The following TRIM49C variants were observed in gnomAD, a reference collection of about 807,000 sequenced individuals.
TRIM49C encodes the protein tripartite motif containing 49C.
TRIM49C carries 6 observed loss-of-function variants against 21.4 expected under a neutral mutation model. That is an observed-to-expected ratio of 0.28 (90% CI 0.15 to 0.55). The LOEUF (loss-of-function observed/expected upper bound fraction) is 0.55. Ranked by LOEUF, TRIM49C falls within the 20% of genes least tolerant of loss-of-function variation. The probability of loss-of-function intolerance (pLI) is 0.94; values close to 1 mark genes in which losing one functional copy is unlikely to be tolerated. For synonymous variants in TRIM49C, 57 were observed against 148.1 expected (o/e 0.38, Z 4.47); for missense variants, 161 against 442.4 (o/e 0.36, Z 5.71).
At chr11:90,070,598 G>A in the TRIM49C span, among the ~76,000 whole-genome samples, 846 of 139,494 alleles carry the variant, frequency 6.1e-3, 72 homozygotes, top group African/African-American at 0.02. Flanking sequence ...CTCCATGAGC[G>A]GTAGAATAAA....
the TRIM49C span, chr11:90,062,995 C>T: frequency 4.4e-4 from 582 of 1,313,922 alleles, 17 homozygotes; most frequent in African/African-American, 0.01. Context: ...CATCAGAATC[C>T]ATGTTTCTGA....
chr11:90,046,094 G>A (rs369977006), downstream of TRIM49C, among the ~76,000 whole-genome samples: 1,553 of 117,370 alleles, frequency 0.013, 48 homozygotes, highest in Non-Finnish European at 0.018. Context: ...ATTGATTTGC[G>A]TATGTTGAAC....
the TRIM49C span, among the ~76,000 whole-genome samples, chr11:90,070,757 G>A: frequency 9.7e-4 from 137 of 141,446 alleles, 10 homozygotes; most frequent in African/African-American, 3.4e-3. Context: ...AAAACCTAAA[G>A]AGCAGATGGG....
the TRIM49C span, chr11:90,062,801 G>T: frequency 1.3e-5 from 18 of 1,416,244 alleles, 3 homozygotes; most frequent in Non-Finnish European, 1.7e-5. Context: ...GTACCACATT[G>T]GTGTTGAAGT....
At chr11:90,042,201 C>G (rs1950775735), downstream of TRIM49C, among the ~76,000 whole-genome samples, 1 of 146,110 alleles carries the variant, frequency 6.8e-6, no homozygotes, top group African/African-American at 2.6e-5. Context: ...TCAAACCATA[C>G]ACAGTCATTT....
At chr11:90,040,688 TC>T (rs1950760769) in intron 7 of TRIM49C, among the ~76,000 whole-genome samples, 1 of 91,330 alleles carries the variant, frequency 1.1e-5, no homozygotes, top group Admixed American at 1.3e-4. Context: ...ACATTCACAT[TC>T]TTTCCAAAAT....
In TRIM49C at chr11:90,038,840, G is replaced by A. The variant is rs948699182; in HGVS notation, c.761+125G>A. ...ACCACTTTTTTTTGCATCTACTTTCGTTCCCACACCTTAAAAGACAAGGCC... is the reference window on the plus strand; with the variant it reads ...ACCACTTTTTTTTGCATCTACTTTCATTCCCACACCTTAAAAGACAAGGCC... On this transcript the variant is annotated intron_variant, in intron 6 of 7. Transcript: ENST00000448984. 32 of 427,138 alleles carry A rather than the reference G, an allele frequency of 7.5e-5. 4 individuals are homozygous for A. Among genetic ancestry groups the A allele is most frequent in the Non-Finnish European group, 1.1e-4 (27 of 238,004 alleles). The allele number at this position is 427,138 out of a possible 1,614,324, so 26.5% of individuals were successfully genotyped here. A position where few individuals can be genotyped will look rare whatever the true frequency, so the allele number is the denominator to read the frequency against.
intron 2 of TRIM49C, among the ~76,000 whole-genome samples, chr11:90,034,793 C>T (rs1169721730): frequency 7.5e-6 from 1 of 132,860 alleles, no homozygotes; most frequent in Non-Finnish European, 1.6e-5. Flanking sequence ...TTTCTTTGGC[C>T]ATCTTCTCAT....
At position 90,041,311 on chromosome 11, in the gene TRIM49C, A is replaced by C. The variant is rs772848098; in HGVS notation, c.1120A>C (p.Lys374Gln). Residue 374 changes from lysine (K) to glutamine (Q), a missense_variant, in exon 8 of 8, where the codon AAG becomes CAG. Coordinates refer to ENST00000448984, the MANE Select transcript of TRIM49C (RefSeq NM_001195234.1). ...GAATCAGAATGAGAAGATAGATGGAAAGGAGGGACTCTTTCTTCTTGGGTG... is the reference window on the plus strand; with the variant it reads ...GAATCAGAATGAGAAGATAGATGGACAGGAGGGACTCTTTCTTCTTGGGTG... ...EKNQNEKIDG[K>Q]EGLFLLGCIK... 5 of 1,590,060 alleles carry C rather than the reference A, an allele frequency of 3.1e-6. No individual in the cohort carries two copies. Among genetic ancestry groups the C allele is most frequent in the Non-Finnish European group, 4.3e-6 (5 of 1,165,004 alleles).
the TRIM49C span, among the ~76,000 whole-genome samples, chr11:90,069,389 A>G: frequency 2.3e-5 from 3 of 130,738 alleles, 1 homozygote; most frequent in Non-Finnish European, 4.8e-5. Context: ...TGCTGGGATT[A>G]CAGGCGTGAG....
chr11:90,031,490 A>G (rs1405021091), intron 1 of TRIM49C, among the ~76,000 whole-genome samples: 2 of 136,552 alleles, frequency 1.5e-5, no homozygotes, highest in Non-Finnish European at 3.2e-5. Flanking sequence ...AACAACAAAA[A>G]GACTTGGTAT....
In TRIM49C at chr11:90,036,800, T is replaced by A. The variant is rs1433102052; in HGVS notation, c.507+817T>A. Among the ~76,000 whole-genome samples, 9 of 138,886 alleles carry A rather than the reference T, an allele frequency of 6.5e-5. 1 individual carries two copies. The highest frequency in any genetic ancestry group is 1.7e-4 in the Admixed American group (2 of 11,952). The allele number at this position is 138,886 out of a possible 152,430, so 91.1% of individuals were successfully genotyped here. On this transcript the variant is annotated intron_variant, in intron 4 of 7. Coordinates refer to ENST00000448984, the MANE Select transcript of TRIM49C (RefSeq NM_001195234.1). ...CAATCCAAATAAGAGAGTCAAATGG[T>A]CAATACACAAATATATGCAATACAT... is the stretch of plus-strand genomic sequence containing the variant.
chr11:90,049,132 G>A, the TRIM49C span, among the ~76,000 whole-genome samples: 6 of 123,574 alleles, frequency 4.9e-5, 1 homozygote, highest in Middle Eastern at 3.9e-3. Context: ...TAGAAGCTTC[G>A]TCTCAGAGGG....
the TRIM49C span, chr11:90,073,354 T>C: frequency 8.3e-5 from 57 of 690,890 alleles, 12 homozygotes; most frequent in South Asian, 8.7e-4. Context: ...CCTTAAATTT[T>C]CCTGTCAGGT....
chr11:90,071,004 C>A, the TRIM49C span: 433 of 412,216 alleles, frequency 1.1e-3, 25 homozygotes, highest in African/African-American at 8.5e-3. Flanking sequence ...CCATGTTGTC[C>A]AGGCTAGTCT....
At chr11:90,039,730 A>C in intron 6 of TRIM49C, 135 bp from the exon 7 acceptor site, 1 of 674,620 alleles carries the variant, frequency 1.5e-6, no homozygotes, top group South Asian at 2.1e-5. Flanking sequence ...ATTAATTTGC[A>C]AAAGGAAGGA....
At chr11:90,043,210 T>A (rs1950781438), downstream of TRIM49C, among the ~76,000 whole-genome samples, 1 of 145,938 alleles carries the variant, frequency 6.9e-6, no homozygotes, top group African/African-American at 2.5e-5. Flanking sequence ...GAATGGCTTG[T>A]GGCCAGGAGT....
chr11:90,052,093 AG>A, the TRIM49C span: 1 of 537,564 alleles, frequency 1.9e-6, no homozygotes, highest in Non-Finnish European at 3.0e-6. Context: ...CAGGCGCTGC[AG>A]GGGCAGGAGG....
the TRIM49C span, among the ~76,000 whole-genome samples, chr11:90,067,663 T>A: frequency 7.1e-6 from 1 of 141,458 alleles, no homozygotes; most frequent in African/African-American, 2.6e-5. Context: ...ATCAATAGCC[T>A]ACTGTTGACT....
Sources: gnomAD v4.1 joint callset for allele counts (sites outside exome capture counted in the v4.1 genomes callset) on GRCh38, gnomAD v4.1.1 for gene constraint, MANE v1.5 for transcripts, NCBI Gene and HGNC (gene_info 2026-07-23, HGNC 2026-07-21) for gene names.